The following CRACD variants were observed in gnomAD, a reference collection of about 807,000 sequenced individuals.
The protein encoded by CRACD is capping protein-inhibiting regulator of actin dynamics.
In CRACD, 56 loss-of-function variants were observed where a neutral mutation model predicts 106.8. That is an observed-to-expected ratio of 0.52 (90% CI 0.42 to 0.66). CRACD has a LOEUF of 0.66. Among genes scored for constraint, CRACD ranks in the 30% least tolerant of loss-of-function variants. The pLI, the probability that CRACD is intolerant of heterozygous loss-of-function variation, is 0.00. For missense variants in CRACD, 1,730 were observed against 1,623.2 expected, an observed-to-expected ratio of 1.07 and a Z score of -1.13; for synonymous variants, 754 against 670.8, an observed-to-expected ratio of 1.12 and a Z score of -1.92.
At position 56,310,657 on chromosome 4, in the gene CRACD, C is replaced by T; in HGVS notation, c.286-9C>T. 1 of 1,600,434 alleles carries T rather than the reference C, an allele frequency of 6.2e-7. No individual in the cohort carries two copies. Among genetic ancestry groups the T allele is most frequent in the East Asian group, 2.2e-5 (1 of 44,794 alleles). On this transcript the variant is annotated splice_polypyrimidine_tract_variant and intron_variant, in intron 5 of 10. Transcript: ENST00000682029. ...GGCCTTTGACTTGAATGCTCTCTTA[C>T]TGTTCCAGTCCAGTGATACGCCAAG...
Position 56,323,598 on chromosome 4 carries a change from G to T in CRACD, c.3378+31G>T, listed in dbSNP as rs116379375. On this transcript the variant is annotated intron_variant, in intron 9 of 10. Coordinates refer to ENST00000682029, the MANE Select transcript of CRACD (RefSeq NM_001393381.1). The stretch of plus-strand genomic sequence containing the variant: ...TAGCCTGGGCTTCAGCTGTGATTTT[G>T]CTTTCCTGAGCTTGGTTCTCTTTTC... 1.3e-3 allele frequency: 1,935 copies of T among 1,489,198 alleles called. 26 individuals carry two copies. The African/African-American group carries it at 0.024, about 18-fold the overall frequency. 92.2% of individuals were successfully genotyped at this position (1,489,198 alleles called of 1,614,324 possible).
chr4:56,291,192 G>A (rs1004825024), intron 3 of CRACD, among the ~76,000 whole-genome samples: 4 of 152,184 alleles, frequency 2.6e-5, no homozygotes, highest in Non-Finnish European at 5.9e-5. Context: ...AGGGAAAGTT[G>A]CAGCATTGAA....
intron 1 of CRACD, among the ~76,000 whole-genome samples, chr4:56,164,650 G>A (rs752637225): frequency 6.6e-6 from 1 of 152,228 alleles, no homozygotes; most frequent in Non-Finnish European, 1.5e-5. Flanking sequence ...ACCAGAGGTT[G>A]GGGACGGAGG....
chr4:56,316,698 C>A lies in CRACD; in HGVS notation c.3187+9C>A, dbSNP rs769154136. 2.5e-6 allele frequency: 4 copies of A among 1,598,224 alleles called. No homozygotes were observed. In the African/African-American group the frequency reaches 5.4e-5, roughly 21 times the overall value. On this transcript the variant is annotated intron_variant, in intron 8 of 10. Transcript: ENST00000682029. ...CGAGGCCGGGAGGAAAGGTAGGTAG[C>A]TGCAGGGTGGGTAACTGCTGCCAGC...
At chr4:56,162,658 A>G (rs1736000254) in intron 1 of CRACD, among the ~76,000 whole-genome samples, 1 of 152,230 alleles carries the variant, frequency 6.6e-6, no homozygotes, top group Non-Finnish European at 1.5e-5. Flanking sequence ...TTCACTTTCC[A>G]TTATAGGACA....
At chr4:56,139,333 CTT>C (rs372305535) in intron 1 of CRACD, among the ~76,000 whole-genome samples, 17 of 148,422 alleles carry the variant, frequency 1.1e-4, no homozygotes, top group East Asian at 3.9e-4. Context: ...CTTCCTCTCT[CTT>C]TCTCTCTCTC....
At chr4:56,197,357 TTCTC>T (rs1261711890) in intron 2 of CRACD, among the ~76,000 whole-genome samples, 1 of 152,144 alleles carries the variant, frequency 6.6e-6, no homozygotes, top group African/African-American at 2.4e-5. Flanking sequence ...AGAGCAGAGT[TTCTC>T]TCCCTTTAAA....
intron 1 of CRACD, among the ~76,000 whole-genome samples, chr4:56,126,344 A>T (rs994890909): frequency 6.6e-6 from 1 of 152,170 alleles, no homozygotes; most frequent in Admixed American, 6.5e-5. Context: ...GGCTGTTTAT[A>T]TGTGGTCCTA....
chr4:56,262,030 A>T (rs1009886012), intron 2 of CRACD, among the ~76,000 whole-genome samples: 1 of 152,218 alleles, frequency 6.6e-6, no homozygotes, highest in Non-Finnish European at 1.5e-5. Context: ...AAAAAGAGTC[A>T]CATACTAAAA....
At chr4:56,249,447 T>C (rs531099003) in intron 2 of CRACD, among the ~76,000 whole-genome samples, 3 of 151,114 alleles carry the variant, frequency 2.0e-5, no homozygotes, top group East Asian at 3.9e-4. Flanking sequence ...GTAAATTTGT[T>C]TGAGTTCATT....
At chr4:56,182,658 A>G (rs571395935) in intron 2 of CRACD, among the ~76,000 whole-genome samples, 1 of 152,224 alleles carries the variant, frequency 6.6e-6, no homozygotes, top group Admixed American at 6.5e-5. Context: ...GCTTAACTCC[A>G]AGAGAGCTCA....
At chr4:56,198,739 C>CA (rs767468009) in intron 2 of CRACD, among the ~76,000 whole-genome samples, 14 of 150,352 alleles carry the variant, frequency 9.3e-5, no homozygotes, top group South Asian at 4.2e-4. Flanking sequence ...TGAAAGTAAA[C>CA]AAAAAAAAGA....
chr4:56,163,264 TA>T (rs1345468201), intron 1 of CRACD, among the ~76,000 whole-genome samples: 1 of 151,834 alleles, frequency 6.6e-6, no homozygotes, highest in Non-Finnish European at 1.5e-5. Flanking sequence ...AAGCTATAAA[TA>T]TTCAGCCTGG....
At chr4:56,111,573 G>T (rs899643138) in intron 1 of CRACD, among the ~76,000 whole-genome samples, 4 of 152,174 alleles carry the variant, frequency 2.6e-5, no homozygotes, top group Non-Finnish European at 4.4e-5. Flanking sequence ...ACGAAGTCTC[G>T]CTCTGTCACC....
chr4:56,072,665 T>C (rs1732700237), intron 1 of CRACD, among the ~76,000 whole-genome samples: 2 of 152,158 alleles, frequency 1.3e-5, no homozygotes, highest in Non-Finnish European at 1.5e-5. Context: ...TCCAGGTTTG[T>C]TACATAGGTA....
At chr4:56,244,485 C>T (rs951538474) in intron 2 of CRACD, among the ~76,000 whole-genome samples, 7 of 152,120 alleles carry the variant, frequency 4.6e-5, no homozygotes, top group Admixed American at 4.6e-4. Flanking sequence ...GCTACAGATC[C>T]AAAGCTTATA....
chr4:56,197,445 A>G (rs1737663261), intron 2 of CRACD, among the ~76,000 whole-genome samples: 1 of 152,224 alleles, frequency 6.6e-6, no homozygotes, highest in South Asian at 2.1e-4. Flanking sequence ...AATCAAAGTT[A>G]GGAACAGGAG....
Position 56,224,122 on chromosome 4 carries a change from CT to C in CRACD, c.-189+44701del, listed in dbSNP as rs554018209. Among the ~76,000 whole-genome samples the C allele has an allele frequency of 2.1e-3, 317 of 150,482 alleles. 2 individuals carry two copies. Among genetic ancestry groups the C allele is most frequent in the African/African-American group, 5.5e-3 (228 of 41,096 alleles). On this transcript the variant is annotated intron_variant, in intron 2 of 10. Coordinates refer to ENST00000682029, the MANE Select transcript of CRACD (RefSeq NM_001393381.1). ...ACAGAGCTAGTTTCTTTTTATTACT[CT>C]TTTTTTTTCAGAGTTTTCTTCGCTA...
Position 56,314,500 on chromosome 4 carries a change from G to A in CRACD, c.998G>A (p.Arg333Gln). 6.6e-7 allele frequency: 1 copy of A among 1,517,258 alleles called. No homozygotes were observed. The highest frequency in any genetic ancestry group is 8.8e-7 in the Non-Finnish European group (1 of 1,135,904). The allele number at this position is 1,517,258 out of a possible 1,614,324, so 94.0% of individuals were successfully genotyped here. The change falls in exon 8 of 11, where the codon CGG becomes CAG. Residue 333 changes from arginine to glutamine, a missense_variant. By Grantham distance (43) the Arg-to-Gln change is conservative (BLOSUM62 1). This residue lies in a region of CRACD where 1,620 missense variants were observed against 1,481.6 expected (regional missense o/e 1.09). Transcript: ENST00000682029. The surrounding 1 kb of genome is among the most constrained non-coding windows in gnomAD (Gnocchi z 4.4). The stretch of plus-strand genomic sequence containing the variant: ...GCCCAGGCCCAAGCGGAGGAGAGGC[G>A]GCGGCTGGAGGAGGACGCCAGGCTG... ...LQAQAQAEER[R>Q]RLEEDARLEE...
Sources: gnomAD v4.1 joint callset for allele counts (sites outside exome capture counted in the v4.1 genomes callset) on GRCh38, gnomAD v4.1.1 for gene constraint, gnomAD v4.1.1 regional missense constraint, Gnocchi (gnomAD v3.1) non-coding constraint, MANE v1.5 for transcripts, NCBI Gene and HGNC (gene_info 2026-07-23, HGNC 2026-07-21) for gene names.